R3HDM2: variants seen among roughly 807,000 people sequenced by gnomAD.
R3HDM2 encodes the protein R3H domain containing 2.
R3HDM2 carries 38 observed loss-of-function variants against 124.5 expected under a neutral mutation model. The observed-to-expected ratio is 0.31, with a 90% CI of 0.24 to 0.40. R3HDM2 has a LOEUF of 0.40. Among genes scored for constraint, R3HDM2 ranks in the 10% least tolerant of loss-of-function variants. The pLI is 1.00. For missense variants in R3HDM2, 869 were observed against 1,236.9 expected, an observed-to-expected ratio of 0.70 and a Z score of 4.46; for synonymous variants, 391 against 448.0, an observed-to-expected ratio of 0.87 and a Z score of 1.61.
chr12:57,406,945 G>A (rs1238885713), intron 1 of R3HDM2, among the ~76,000 whole-genome samples: 1 of 152,030 alleles, frequency 6.6e-6, no homozygotes, highest in Non-Finnish European at 1.5e-5. Flanking sequence ...AATAAGTGAG[G>A]GAAAGTCTTT....
chr12:57,311,995 TACA>T (rs1387353433), intron 2 of R3HDM2, among the ~76,000 whole-genome samples: 1 of 152,236 alleles, frequency 6.6e-6, no homozygotes, highest in Non-Finnish European at 1.5e-5. Flanking sequence ...CATGTTTAGC[TACA>T]ACAATAGTTT....
At chr12:57,417,035 T>C (rs1181841960) in intron 1 of R3HDM2, among the ~76,000 whole-genome samples, 1 of 151,156 alleles carries the variant, frequency 6.6e-6, no homozygotes, top group Non-Finnish European at 1.5e-5. Flanking sequence ...AGAGAATTGC[T>C]TGAACCCAGG....
At chr12:57,376,389 G>C (rs2064075820) in intron 2 of R3HDM2, among the ~76,000 whole-genome samples, 1 of 152,214 alleles carries the variant, frequency 6.6e-6, no homozygotes, top group African/African-American at 2.4e-5. Context: ...TGGTGGGCAA[G>C]GGACAAACAA....
chr12:57,257,106 A>G (rs559119886), intron 21 of R3HDM2, among the ~76,000 whole-genome samples: 3 of 152,246 alleles, frequency 2.0e-5, no homozygotes, highest in Admixed American at 2.0e-4. Context: ...AGCGTTAGCC[A>G]CTGCGCCCGG....
chr12:57,312,343 T>C, intron 2 of R3HDM2, among the ~76,000 whole-genome samples: 1 of 150,946 alleles, frequency 6.6e-6, no homozygotes, highest in Admixed American at 6.6e-5. Context: ...GATCTCACTC[T>C]GTCACCCAGG....
At chr12:57,352,561 C>T (rs995731772) in intron 2 of R3HDM2, among the ~76,000 whole-genome samples, 15 of 148,906 alleles carry the variant, frequency 1.0e-4, no homozygotes, top group African/African-American at 2.7e-4. Flanking sequence ...GGCATGATCT[C>T]GGCTCACTGC....
At chr12:57,346,273 G>A (rs1396695821) in intron 2 of R3HDM2, among the ~76,000 whole-genome samples, 2 of 151,510 alleles carry the variant, frequency 1.3e-5, no homozygotes, top group Non-Finnish European at 2.9e-5. Flanking sequence ...CCTGGCCAAC[G>A]TGGTGAAACC....
intron 1 of R3HDM2, among the ~76,000 whole-genome samples, chr12:57,427,269 CGACA>C (rs1215550146): frequency 4.0e-5 from 6 of 148,852 alleles, no homozygotes; most frequent in Non-Finnish European, 7.4e-5. Context: ...CCAGCCTGGG[CGACA>C]GACAGAGGTT....
At position 57,310,297 on chromosome 12, in the gene R3HDM2, T is replaced by C. The variant is rs1308221964; in HGVS notation, c.132A>G (p.Glu44=). 2 of 1,547,258 alleles carry C rather than the reference T, an allele frequency of 1.3e-6. No homozygotes were observed. The highest frequency in any genetic ancestry group is 1.7e-6 in the Non-Finnish European group (2 of 1,145,686). The change falls in exon 3 of 24, where the codon GAA becomes GAG. Residue 44 remains glutamate, a synonymous_variant. Coordinates refer to ENST00000402412, the MANE Select transcript of R3HDM2 (RefSeq NM_001394031.1). The stretch of plus-strand genomic sequence containing the variant: ...CCTGACGCAAACTGGTATCTTCACA[T>C]TCTTTCTCAATTTCTTCCTTACTTG... ...KTPSKEEIEK[E]CEDTSLRQET... is the part of the protein sequence containing the mutation.
chr12:57,341,034 C>T (rs1353615140), intron 2 of R3HDM2, among the ~76,000 whole-genome samples: 2 of 152,118 alleles, frequency 1.3e-5, no homozygotes, highest in Admixed American at 1.3e-4. Flanking sequence ...AGGAATTTTA[C>T]ATAACTACCT....
intron 1 of R3HDM2, among the ~76,000 whole-genome samples, chr12:57,423,143 C>T (rs1369066127): frequency 1.3e-5 from 2 of 152,062 alleles, no homozygotes; most frequent in Admixed American, 6.5e-5. Context: ...GATCTGTGGC[C>T]GGGCGCGGTG....
intron 2 of R3HDM2, among the ~76,000 whole-genome samples, chr12:57,360,006 A>AATAAATATATATATAT (rs1403496780): frequency 4.2e-5 from 5 of 117,690 alleles, no homozygotes; most frequent in African/African-American, 1.5e-4. Flanking sequence ...TAAATAAATA[A>AATAAATATATATATAT]ATATATATAT....
chr12:57,259,393 C>T (rs2040076655), intron 19 of R3HDM2, among the ~76,000 whole-genome samples: 1 of 152,226 alleles, frequency 6.6e-6, no homozygotes, highest in South Asian at 2.1e-4. Context: ...GCTCAAATGT[C>T]TAGGCATGGT....
At chr12:57,319,642 CTTT>C (rs1490489559) in intron 2 of R3HDM2, among the ~76,000 whole-genome samples, 3 of 152,150 alleles carry the variant, frequency 2.0e-5, no homozygotes, top group South Asian at 2.1e-4. Context: ...TTCCCAGCTT[CTTT>C]AAGTCAAGCT....
intron 2 of R3HDM2, among the ~76,000 whole-genome samples, chr12:57,373,419 G>GA (rs1212306661): frequency 6.6e-6 from 1 of 151,974 alleles, no homozygotes; most frequent in African/African-American, 2.4e-5. Flanking sequence ...AGAATGGCAT[G>GA]ACCCCAGAGG....
intron 13 of R3HDM2, among the ~76,000 whole-genome samples, chr12:57,282,072 G>A (rs184937379): frequency 1.3e-5 from 2 of 152,154 alleles, no homozygotes; most frequent in African/African-American, 4.8e-5. Context: ...CACTTTGGGA[G>A]GCTTAGGTGG....
chr12:57,314,521 G>T (rs2054632755), intron 2 of R3HDM2, among the ~76,000 whole-genome samples: 1 of 152,116 alleles, frequency 6.6e-6, no homozygotes, highest in African/African-American at 2.4e-5. Flanking sequence ...AGTCAAAACT[G>T]GAAGAGTTCT....
intron 2 of R3HDM2, among the ~76,000 whole-genome samples, chr12:57,368,122 G>A (rs1239018460): frequency 6.6e-6 from 1 of 151,548 alleles, no homozygotes; most frequent in Non-Finnish European, 1.5e-5. Flanking sequence ...TTTGAAGCCA[G>A]GGTTGAGGTA....
At chr12:57,352,978 C>T (rs902401687) in intron 2 of R3HDM2, among the ~76,000 whole-genome samples, 2 of 151,788 alleles carry the variant, frequency 1.3e-5, no homozygotes, top group African/African-American at 4.8e-5. Context: ...ACACCACACA[C>T]AAATATAAAT....
Sources: allele counts gnomAD v4.1 joint callset (sites outside exome capture counted in the v4.1 genomes callset), GRCh38; gene constraint gnomAD v4.1.1; transcripts MANE v1.5; gene names NCBI Gene and HGNC (gene_info 2026-07-23, HGNC 2026-07-21).